The following THSD7B variants were observed in gnomAD, a reference collection of about 807,000 sequenced individuals.
The protein encoded by THSD7B is thrombospondin type-1 domain-containing protein 7B.
In THSD7B, 138 loss-of-function variants were observed where a neutral mutation model predicts 213.6. The ratio of observed to expected loss-of-function variants is 0.65; its 90% confidence interval spans 0.56 to 0.74. THSD7B has a LOEUF of 0.74. Ranked by LOEUF, THSD7B falls within the 30% of genes least tolerant of loss-of-function variation. THSD7B has a pLI of 0.00. For missense variants in THSD7B, 1,931 were observed against 1,991.5 expected (o/e 0.97, Z 0.58); for synonymous variants, 742 against 687.0 (o/e 1.08, Z -1.25).
chr2:137,086,293 C>T (rs548069166), intron 3 of THSD7B, among the ~76,000 whole-genome samples: 27 of 152,134 alleles, frequency 1.8e-4, no homozygotes, highest in South Asian at 8.3e-4. Context: ...GCCAAGATCA[C>T]GCCATTGCAC....
chr2:137,289,901 G>A (rs1414594286), intron 12 of THSD7B, among the ~76,000 whole-genome samples: 2 of 152,008 alleles, frequency 1.3e-5, no homozygotes, highest in East Asian at 1.9e-4. Context: ...GAATGCATAA[G>A]TGAGTTCAGG....
chr2:137,615,483 C>T (rs1682366559), intron 17 of THSD7B, among the ~76,000 whole-genome samples: 1 of 152,136 alleles, frequency 6.6e-6, no homozygotes. Context: ...ATCTGGCAGG[C>T]CGGTTGACCT....
chr2:136,838,559 A>G (rs1011693496), intron 1 of THSD7B, among the ~76,000 whole-genome samples: 2 of 152,180 alleles, frequency 1.3e-5, no homozygotes, highest in African/African-American at 2.4e-5. Flanking sequence ...TGGTTAAACA[A>G]GTTATATTTT....
intron 7 of THSD7B, among the ~76,000 whole-genome samples, chr2:137,198,141 A>G (rs1366778081): frequency 6.6e-6 from 1 of 152,194 alleles, no homozygotes; most frequent in African/African-American, 2.4e-5. Flanking sequence ...TGGAAATACT[A>G]ATGAGTCTAC....
intron 17 of THSD7B, among the ~76,000 whole-genome samples, chr2:137,601,030 G>T (rs1682067021): frequency 6.6e-6 from 1 of 152,062 alleles, no homozygotes; most frequent in Non-Finnish European, 1.5e-5. Flanking sequence ...AGGATATAAA[G>T]AAAGAAAATA....
At chr2:136,942,196 A>G (rs753207942) in intron 2 of THSD7B, among the ~76,000 whole-genome samples, 4 of 152,048 alleles carry the variant, frequency 2.6e-5, no homozygotes, top group Non-Finnish European at 5.9e-5. Flanking sequence ...GTTCTGTTCC[A>G]TTGGACTGTA....
intron 27 of THSD7B, among the ~76,000 whole-genome samples, chr2:137,669,157 C>CAGAG (rs1683511842): frequency 6.6e-6 from 1 of 152,016 alleles, no homozygotes; most frequent in Non-Finnish European, 1.5e-5. Context: ...TCATCTGTCC[C>CAGAG]AGAGACTATT....
At chr2:137,517,338 C>A (rs982702221) in intron 15 of THSD7B, among the ~76,000 whole-genome samples, 21 of 152,204 alleles carry the variant, frequency 1.4e-4, no homozygotes, top group African/African-American at 4.6e-4. Context: ...CAAGAAGTAA[C>A]AAACACACTG....
intron 9 of THSD7B, among the ~76,000 whole-genome samples, chr2:137,241,022 GT>G (rs1253043100): frequency 3.3e-5 from 5 of 152,104 alleles, no homozygotes; most frequent in African/African-American, 1.2e-4. Context: ...CTAGACTGGT[GT>G]TTTTTCAATC....
intron 12 of THSD7B, among the ~76,000 whole-genome samples, chr2:137,350,665 G>T (rs1207768599): frequency 6.6e-6 from 1 of 151,752 alleles, no homozygotes; most frequent in East Asian, 1.9e-4. Context: ...GGTGGGGAGG[G>T]TTGGGGAGAA....
chr2:137,037,481 G>A (rs1423556176), intron 2 of THSD7B, among the ~76,000 whole-genome samples: 1 of 142,574 alleles, frequency 7.0e-6, no homozygotes, highest in Non-Finnish European at 1.6e-5. Flanking sequence ...GTTCAAAAAG[G>A]ACAGGGCTTT....
chr2:137,546,113 ACT>A (rs1490666881), intron 15 of THSD7B, among the ~76,000 whole-genome samples: 1 of 149,822 alleles, frequency 6.7e-6, no homozygotes, highest in Non-Finnish European at 1.5e-5. Flanking sequence ...TATAAGAAAG[ACT>A]CTAAATTCAT....
At chr2:137,637,994 T>C (rs535848144) in intron 20 of THSD7B, among the ~76,000 whole-genome samples, 35 of 152,346 alleles carry the variant, frequency 2.3e-4, no homozygotes, top group African/African-American at 7.2e-4. Context: ...TGTGAAATCT[T>C]GTGCCAAATG....
At chr2:137,222,727 G>A (rs1228607828) in intron 7 of THSD7B, among the ~76,000 whole-genome samples, 1 of 152,172 alleles carries the variant, frequency 6.6e-6, no homozygotes, top group East Asian at 1.9e-4. Context: ...CTGAAAGTCG[G>A]TAATTCATGT....
intron 1 of THSD7B, among the ~76,000 whole-genome samples, chr2:136,824,546 AT>A: frequency 6.6e-6 from 1 of 152,318 alleles, no homozygotes; most frequent in South Asian, 2.1e-4. Context: ...AGTGTACCAA[AT>A]ATAATCAGTG....
chr2:137,405,817 G>A lies in THSD7B; in HGVS notation c.2695+10G>A, dbSNP rs774170871. On this transcript the variant is annotated intron_variant, in intron 13 of 27. Coordinates refer to ENST00000409968, the MANE Select transcript of THSD7B (RefSeq NM_001316349.2). ...CGGCGACAGCTCACAGGTATAGTGT[G>A]CATTTTACTCTTTAGCATCAGGCAA... 17 of 1,600,280 alleles carry A rather than the reference G, an allele frequency of 1.1e-5. No homozygotes were observed. The East Asian group carries it at 2.0e-4, about 19-fold the overall frequency.
intron 5 of THSD7B, among the ~76,000 whole-genome samples, chr2:137,158,669 A>AT (rs768930587): frequency 5.7e-4 from 87 of 151,978 alleles, no homozygotes; most frequent in Non-Finnish European, 1.1e-3. Context: ...TCATGATGGT[A>AT]TTTTTTTATT....
At chr2:137,489,506 G>A (rs570851212) in intron 15 of THSD7B, among the ~76,000 whole-genome samples, 6 of 151,500 alleles carry the variant, frequency 4.0e-5, no homozygotes, top group East Asian at 3.9e-4. Flanking sequence ...TTTTTTCTTC[G>A]ATGTTTGCCA....
chr2:136,885,843 T>C (rs1039453936), intron 2 of THSD7B, among the ~76,000 whole-genome samples: 5 of 152,088 alleles, frequency 3.3e-5, no homozygotes, highest in African/African-American at 1.2e-4. Flanking sequence ...AAATAGAGTA[T>C]GCTAGATGAG....
Sources: allele counts gnomAD v4.1 joint callset (sites outside exome capture counted in the v4.1 genomes callset), GRCh38; gene constraint gnomAD v4.1.1; transcripts MANE v1.5; gene names NCBI Gene and HGNC (gene_info 2026-07-23, HGNC 2026-07-21).